The following RALGDS variants were observed in gnomAD, a reference collection of about 807,000 sequenced individuals.
RALGDS encodes ral guanine nucleotide exchange factor.
RALGDS carries 44 observed loss-of-function variants against 99.8 expected under a neutral mutation model. The ratio of observed to expected loss-of-function variants is 0.44; its 90% CI spans 0.35 to 0.57. RALGDS has a LOEUF of 0.57. Ranked by LOEUF, RALGDS falls within the 20% of genes least tolerant of loss-of-function variation. The pLI is 0.01. For synonymous variants in RALGDS, 529 were observed against 505.0 expected, an observed-to-expected ratio of 1.05 and a Z score of -0.64; for missense variants, 1,022 against 1,203.1, an observed-to-expected ratio of 0.85 and a Z score of 2.23.
At chr9:133,110,221 G>A in intron 3 of RALGDS, 75 bp downstream of exon 3, 4 of 1,454,380 alleles carry the variant, frequency 2.8e-6, no homozygotes, top group Non-Finnish European at 3.8e-6. Context: ...AATCAGCATT[G>A]CCAAGACCCG....
At chr9:133,100,726 C>G (rs919761829) in intron 16 of RALGDS, 5 of 1,208,478 alleles carry the variant, frequency 4.1e-6, no homozygotes, top group South Asian at 1.7e-5. Flanking sequence ...GGGGAACAGA[C>G]AGTCCCTAGT....
chr9:133,099,619 TATAC>T (rs954475812), intron 17 of RALGDS: 7 of 155,536 alleles, frequency 4.5e-5, no homozygotes, highest in African/African-American at 1.7e-4. Context: ...TACACACACA[TATAC>T]ATGCATATAT....
intron 10 of RALGDS, 100 bp from the exon 11 acceptor site, chr9:133,103,933 T>TGG (rs1176696753): frequency 1.7e-6 from 2 of 1,189,450 alleles, no homozygotes; most frequent in Non-Finnish European, 2.5e-6. Context: ...GGGGGACCTC[T>TGG]GGGGGCCTCC....
chr9:133,112,191 C>G (rs764598143), intron 1 of RALGDS, 39 bp from the exon 2 acceptor site: 2 of 1,430,818 alleles, frequency 1.4e-6, no homozygotes, highest in South Asian at 1.2e-5. Flanking sequence ...GCGGGGACGT[C>G]AAGGGCCTGC....
chr9:133,100,946 TG>T (rs1830727171), intron 16 of RALGDS: 1 of 1,045,108 alleles, frequency 9.6e-7, no homozygotes, highest in African/African-American at 1.7e-5. Context: ...GACCCAGGGC[TG>T]GGGTACAGAG....
At chr9:133,137,137 G>A (rs774586598) in intron 1 of RALGDS, among the ~76,000 whole-genome samples, 12 of 151,940 alleles carry the variant, frequency 7.9e-5, no homozygotes, top group Non-Finnish European at 1.3e-4. Flanking sequence ...GGAGGCTGAA[G>A]CGGGAGAACC....
At chr9:133,141,579 A>G (rs2119271253) in intron 1 of RALGDS, among the ~76,000 whole-genome samples, 1 of 152,236 alleles carries the variant, frequency 6.6e-6, no homozygotes, top group Middle Eastern at 3.4e-3. Flanking sequence ...TGGAATTTGG[A>G]CCCAGGTGTC....
chr9:133,103,353 C>G, intron 11 of RALGDS, 91 bp from the exon 12 acceptor site: 1 of 1,498,874 alleles, frequency 6.7e-7, no homozygotes, highest in Non-Finnish European at 9.3e-7. Flanking sequence ...GAGTGCCCAC[C>G]AGGGGGCAGG....
exon 1 of RALGDS, chr9:133,148,989 TC>T: frequency 6.3e-7 from 1 of 1,584,272 alleles, no homozygotes; most frequent in South Asian, 1.2e-5. Context: ...ATCCTCAGCC[TC>T]GGTGGCACAT....
At chr9:133,143,507 C>A (rs955499451) in intron 1 of RALGDS, among the ~76,000 whole-genome samples, 2 of 152,070 alleles carry the variant, frequency 1.3e-5, no homozygotes, top group African/African-American at 4.8e-5. Flanking sequence ...TTAATCCTAG[C>A]AGTTTGGGAG....
intron 1 of RALGDS, among the ~76,000 whole-genome samples, chr9:133,127,792 C>G (rs565227633): frequency 6.6e-6 from 1 of 152,206 alleles, no homozygotes; most frequent in Non-Finnish European, 1.5e-5. Flanking sequence ...AGGTGAGAAG[C>G]GAAGCACCGA....
chr9:133,133,335 A>G (rs1248803830), upstream of RALGDS, among the ~76,000 whole-genome samples: 1 of 152,214 alleles, frequency 6.6e-6, no homozygotes, highest in Non-Finnish European at 1.5e-5. Flanking sequence ...ACCAGCTGCC[A>G]CGCAGAAATG....
Position 133,103,845 on chromosome 9 carries a change from G to C in RALGDS, c.1672-12C>G. On this transcript the variant is annotated splice_polypyrimidine_tract_variant and intron_variant, in intron 10 of 17. Transcript: ENST00000372050. Reference sequence around the variant, plus strand: ...CCCTGGATGATGCCCTGTGACATTGGGGTAGGAGGATGAGCAAGGCCCCTC... The same window carrying C: ...CCCTGGATGATGCCCTGTGACATTGCGGTAGGAGGATGAGCAAGGCCCCTC... 1 of 1,611,938 alleles carries C rather than the reference G, an allele frequency of 6.2e-7. No homozygotes were observed. The highest frequency in any genetic ancestry group is 1.1e-5 in the South Asian group (1 of 91,050).
chr9:133,112,052 C>A lies in RALGDS; in HGVS notation c.284G>T (p.Arg95Leu), dbSNP rs751897971. 4 of 1,576,362 alleles carry A rather than the reference C, an allele frequency of 2.5e-6. No individual in the cohort carries two copies. The highest frequency in any genetic ancestry group is 2.7e-5 in the African/African-American group (2 of 73,852). ...CCCGAGCGCACTCACCCCGAGCCAG[C>A]GCTGCCCCTTGTTGCCTCCGTGGTG... Reference protein sequence around the residue: ...QLHHGGNKGQRWLGYENESAL... With the variant: ...QLHHGGNKGQLWLGYENESAL... Residue 95 changes from arginine (R) to leucine (L), a missense_variant, in exon 2 of 18, where the codon CGC (arginine) becomes CTC (leucine). Transcript: ENST00000372050.
chr9:133,115,740 C>T (rs1227637216), intron 1 of RALGDS, among the ~76,000 whole-genome samples: 2 of 152,230 alleles, frequency 1.3e-5, no homozygotes, highest in Admixed American at 6.5e-5. Context: ...GGGCCGGCGA[C>T]GGATGCTGGG....
chr9:133,106,207 G>A lies in RALGDS; in HGVS notation c.1518-191C>T, dbSNP rs546617498. Among the ~76,000 whole-genome samples, 17 of 151,850 alleles carry A rather than the reference G, an allele frequency of 1.1e-4. 1 individual carries two copies. In the South Asian group the frequency reaches 1.9e-3, roughly 17 times the overall value. ...GTTGGTGCAACAGGACCCCATTCCC[G>A]TTTCCACTGAGCAGCTATTTCCAAA... On this transcript the variant is annotated intron_variant, in intron 8 of 17. Coordinates refer to ENST00000372050, the MANE Select transcript of RALGDS (RefSeq NM_006266.4).
At chr9:133,108,430 A>T in intron 5 of RALGDS, 24 bp from the exon 6 acceptor site, 3 of 1,530,700 alleles carry the variant, frequency 2.0e-6, no homozygotes, top group Non-Finnish European at 2.6e-6. Context: ...AAAGTTCAAC[A>T]ACATGCCAGC....
chr9:133,102,906 G>A lies in RALGDS; in HGVS notation c.1792-6C>T, dbSNP rs1279747149. 5 of 1,612,818 alleles carry A rather than the reference G, an allele frequency of 3.1e-6. No individual in the cohort carries two copies. Among genetic ancestry groups the A allele is most frequent in the African/African-American group, 1.3e-5 (1 of 74,938 alleles). On this transcript the variant is annotated splice_polypyrimidine_tract_variant and splice_region_variant and intron_variant, in intron 12 of 17. Coordinates refer to ENST00000372050, the MANE Select transcript of RALGDS (RefSeq NM_006266.4). ...TGGGCGATCACCTCGAACTCCTGGG[G>A]CCAGAGGGAAGCACAGGGCGGTGAC...
chr9:133,141,637 C>T (rs1401496330), intron 1 of RALGDS, among the ~76,000 whole-genome samples: 4 of 152,204 alleles, frequency 2.6e-5, no homozygotes, highest in Non-Finnish European at 2.9e-5. Context: ...GCCTGATGGC[C>T]GAGGTGGATG....
Sources: gnomAD v4.1 joint callset for allele counts (sites outside exome capture counted in the v4.1 genomes callset) on GRCh38, gnomAD v4.1.1 for gene constraint, MANE v1.5 for transcripts, NCBI Gene and HGNC (gene_info 2026-07-23, HGNC 2026-07-21) for gene names.